ARL10: variants seen among roughly 807,000 people sequenced by gnomAD.
ARL10 encodes ADP-ribosylation factor-like protein 10.
In ARL10, 23 loss-of-function variants were observed where a neutral mutation model predicts 26.1. That is an observed-to-expected ratio of 0.88 (90% CI 0.63 to 1.25). The LOEUF is 1.25. Ranked by LOEUF, ARL10 falls within the 50% of genes most tolerant of loss-of-function variation. The pLI is 0.00. For synonymous variants in ARL10, 138 were observed against 149.1 expected, an observed-to-expected ratio of 0.93 and a Z score of 0.54; for missense variants, 300 against 323.6, an observed-to-expected ratio of 0.93 and a Z score of 0.56.
intron 3 of ARL10, chr5:176,369,241 T>C: frequency 7.7e-7 from 1 of 1,304,888 alleles, no homozygotes; most frequent in South Asian, 1.4e-5. Context: ...TTTGTTTTTG[T>C]TTTTTTTTTG....
At chr5:176,388,305 A>G (rs769713350) in exon 2 of ARL10, 3 of 1,614,042 alleles carry the variant, frequency 1.9e-6, no homozygotes, top group African/African-American at 2.7e-5. Flanking sequence ...GTTCTGCCGT[A>G]CCGATTTAGC....
chr5:176,372,111 A>C lies in ARL10; in HGVS notation c.*216A>C. On this transcript the variant is annotated 3_prime_UTR_variant, in exon 4 of 4. Coordinates refer to ENST00000310389, the MANE Select transcript of ARL10 (RefSeq NM_173664.6). ...GCCGAAGCAGGGAGGTGGGTGAGAC[A>C]GAGGGTGGGGAGGATAGTGTCTGGC... is the stretch of plus-strand genomic sequence containing the variant. 1.4e-6 allele frequency: 2 copies of C among 1,408,296 alleles called. No homozygotes were observed. Among genetic ancestry groups the C allele is most frequent in the Non-Finnish European group, 1.9e-6 (2 of 1,080,796 alleles). The allele number at this position is 1,408,296 out of a possible 1,614,324, so 87.2% of individuals were successfully genotyped here.
In ARL10 at chr5:176,368,082, CA is replaced by C; in HGVS notation, c.386-723del. On this transcript the variant is annotated intron_variant, in intron 2 of 3. Coordinates refer to ENST00000310389, the MANE Select transcript of ARL10 (RefSeq NM_173664.6). This position sits in a 1 kb window ranked among gnomAD's most constrained non-coding sequence, Gnocchi z 4.1. ...TCTGACTCTCACAGCTTAGAATCCT[CA>C]AGTGTCAGAAACATAGCCAGAAACA... 1 of 499,812 alleles carries C rather than the reference CA, an allele frequency of 2.0e-6. No homozygotes were observed. The highest frequency in any genetic ancestry group is 4.0e-6 in the Non-Finnish European group (1 of 247,178). 31.0% of individuals were successfully genotyped at this position (499,812 alleles called of 1,614,324 possible).
rs1490014572 is a variant in ARL10, at chr5:176,379,384, G to C, written c.*7489G>C. 6.6e-6 allele frequency: 1 copy of C among 152,030 alleles called. No individual in the cohort carries two copies. The highest frequency in any genetic ancestry group is 2.4e-5 in the African/African-American group (1 of 41,380). The allele number at this position is 152,030 out of a possible 1,614,324, so 9.4% of individuals were successfully genotyped here. ...GGTTTCACCGTGTTCGTCAGGGCTGGTCTCGATCTCCTGACCTCAGGTGAT... is the reference window on the plus strand; with the variant it reads ...GGTTTCACCGTGTTCGTCAGGGCTGCTCTCGATCTCCTGACCTCAGGTGAT... On this transcript the variant is annotated 3_prime_UTR_variant, in exon 4 of 4. Transcript: ENST00000310389.
chr5:176,373,132 G>C lies in ARL10; in HGVS notation c.*1237G>C, dbSNP rs1012723616. The C allele has an allele frequency of 7.0e-5, 28 of 398,182 alleles. No homozygotes were observed. The highest frequency in any genetic ancestry group is 1.2e-4 in the Non-Finnish European group (27 of 226,042). The allele number at this position is 398,182 out of a possible 1,614,324, so 24.7% of individuals were successfully genotyped here. A position where few individuals can be genotyped will look rare whatever the true frequency, so the allele number is the denominator to read the frequency against. On this transcript the variant is annotated 3_prime_UTR_variant, in exon 4 of 4. Transcript: ENST00000310389. ...GAGGATTTCCCTTATGTGAATCTAGGTAAAAAGATGGAAAAAAATTGTATT... is the reference window on the plus strand; with the variant it reads ...GAGGATTTCCCTTATGTGAATCTAGCTAAAAAGATGGAAAAAAATTGTATT...
At chr5:176,406,669 G>C (rs1439838789), downstream of ARL10, 1 of 1,289,198 alleles carries the variant, frequency 7.8e-7, no homozygotes, top group Non-Finnish European at 1.0e-6. Context: ...GGCTGTATTG[G>C]CAACTGGGTT....
the ARL10 span, among the ~76,000 whole-genome samples, chr5:176,412,818 T>C: frequency 2.6e-5 from 4 of 152,260 alleles, no homozygotes; most frequent in East Asian, 1.9e-4. Flanking sequence ...GTGGGACCAA[T>C]AGCATTTCAG....
At chr5:176,388,176 G>C in intron 1 of ARL10, 1 of 1,300,802 alleles carries the variant, frequency 7.7e-7, no homozygotes, top group Non-Finnish European at 1.1e-6. Context: ...TGACACCTAG[G>C]TCAGTATGGC....
chr5:176,371,797 G>A lies in ARL10; in HGVS notation c.637G>A (p.Val213Ile), dbSNP rs1222856818. The A allele has an allele frequency of 3.1e-6, 5 of 1,614,100 alleles. No individual in the cohort carries two copies. Among genetic ancestry groups the A allele is most frequent in the Non-Finnish European group, 3.4e-6 (4 of 1,180,044 alleles). ...ACAGGCTATCGATAACCAGCGGGAGGTTTTCCTCTTGGCAGCCAGCATTGC... is the reference window on the plus strand; with the variant it reads ...ACAGGCTATCGATAACCAGCGGGAGATTTTCCTCTTGGCAGCCAGCATTGC... ...GLQAIDNQRE[V>I]FLLAASIAPA... The change falls in exon 4 of 4, where the codon GTT (valine) becomes ATT (isoleucine). Residue 213 changes from valine (V) to isoleucine (I), a missense_variant. By Grantham distance (29) the Val-to-Ile change is conservative. Coordinates refer to ENST00000310389, the MANE Select transcript of ARL10 (RefSeq NM_173664.6).
At chr5:176,390,776 AAGAGG>A (rs1008786526), downstream of ARL10, among the ~76,000 whole-genome samples, 40 of 152,148 alleles carry the variant, frequency 2.6e-4, no homozygotes, top group Non-Finnish European at 3.8e-4. Flanking sequence ...CACAGTATAG[AAGAGG>A]AAACAGGCTC....
downstream of ARL10, chr5:176,386,118 C>G (rs939897888): frequency 6.5e-6 from 1 of 153,442 alleles, no homozygotes; most frequent in Non-Finnish European, 1.4e-5. Context: ...AAGTCAATAT[C>G]CTTTACTGAA....
At chr5:176,413,488 G>T in the ARL10 span, among the ~76,000 whole-genome samples, 1 of 152,192 alleles carries the variant, frequency 6.6e-6, no homozygotes, top group African/African-American at 2.4e-5. Context: ...GAGAGGAGGG[G>T]CTCCCTGTGG....
At chr5:176,412,280 C>T in the ARL10 span, among the ~76,000 whole-genome samples, 1 of 152,082 alleles carries the variant, frequency 6.6e-6, no homozygotes, top group Non-Finnish European at 1.5e-5. Flanking sequence ...CCTTTACTTC[C>T]CTAGGCACTT....
downstream of ARL10, among the ~76,000 whole-genome samples, chr5:176,382,792 T>TG: frequency 6.6e-6 from 1 of 151,844 alleles, no homozygotes; most frequent in East Asian, 1.9e-4. Flanking sequence ...GGCCTAGGGG[T>TG]GGGGCTAGTG....
At chr5:176,389,356 C>T (rs760128812), downstream of ARL10, 2 of 1,613,812 alleles carry the variant, frequency 1.2e-6, no homozygotes, top group South Asian at 1.1e-5. Flanking sequence ...CGGCCGCCCT[C>T]ACCTACGGCC....
downstream of ARL10, chr5:176,384,968 AAAAC>A (rs973952839): frequency 3.4e-6 from 2 of 581,028 alleles, no homozygotes; most frequent in Non-Finnish European, 6.1e-6. Context: ...CTTGAAAACA[AAAAC>A]AAACCAAAAA....
chr5:176,385,097 TAG>T (rs376429682), downstream of ARL10: 1,159 of 726,972 alleles, frequency 1.6e-3, 6 homozygotes, highest in African/African-American at 0.018. Context: ...ATCCATTTCC[TAG>T]AGTCTCTTTT....
At position 176,371,799 on chromosome 5, in the gene ARL10, T is replaced by C. The variant is rs576563562; in HGVS notation, c.639T>C (p.Val213=). ...GLQAIDNQRE[V]FLLAASIAPA... is the part of the protein sequence containing the mutation. ...AGGCTATCGATAACCAGCGGGAGGT[T>C]TTCCTCTTGGCAGCCAGCATTGCCC... is the stretch of plus-strand genomic sequence containing the variant. Residue 213 remains valine, a synonymous_variant, in exon 4 of 4, where the codon GTT becomes GTC. Transcript: ENST00000310389. 2.5e-6 allele frequency: 4 copies of C among 1,614,098 alleles called. No individual in the cohort carries two copies. The Admixed American group carries it at 5.0e-5, about 20-fold the overall frequency.
chr5:176,408,758 T>A, the ARL10 span, among the ~76,000 whole-genome samples: 203 of 152,330 alleles, frequency 1.3e-3, 2 homozygotes, highest in Non-Finnish European at 1.9e-3. Context: ...TGGATTCACA[T>A]GATCTTCTCA....
Sources: allele counts gnomAD v4.1 joint callset (sites outside exome capture counted in the v4.1 genomes callset), GRCh38; gene constraint gnomAD v4.1.1; non-coding constraint Gnocchi (gnomAD v3.1); transcripts MANE v1.5; gene names NCBI Gene and HGNC (gene_info 2026-07-23, HGNC 2026-07-21).